The following TRMT11 variants were observed in gnomAD, a reference collection of about 807,000 sequenced individuals.
The protein encoded by TRMT11 is tRNA methyltransferase 11.
In TRMT11, 53 loss-of-function variants were observed where a neutral mutation model predicts 62.8. The observed-to-expected ratio is 0.84, with a 90% CI of 0.68 to 1.06. The LOEUF (loss-of-function observed/expected upper bound fraction) is 1.06. Ranked by LOEUF, TRMT11 falls within the 50% of genes least tolerant of loss-of-function variation. TRMT11 has a pLI of 0.00. For synonymous variants in TRMT11, 188 were observed against 190.3 expected, an observed-to-expected ratio of 0.99 and a Z score of 0.10; for missense variants, 556 against 553.4, an observed-to-expected ratio of 1.00 and a Z score of -0.05.
chr6:126,224,425 C>T, the TRMT11 span, among the ~76,000 whole-genome samples: 1 of 152,222 alleles, frequency 6.6e-6, no homozygotes, highest in Non-Finnish European at 1.5e-5. Flanking sequence ...AGGCTCACCT[C>T]AGTACTACTG....
chr6:126,139,631 A>T (rs1777891757), intron 21 of TRMT11, among the ~76,000 whole-genome samples: 1 of 152,148 alleles, frequency 6.6e-6, no homozygotes, highest in African/African-American at 2.4e-5. Context: ...ACTCTCCCAA[A>T]GTGCTGGGAT....
At chr6:125,986,709 G>A (rs1583602275) in intron 1 of TRMT11, 87 bp downstream of exon 1, 3 of 1,300,338 alleles carry the variant, frequency 2.3e-6, no homozygotes, top group East Asian at 2.6e-5. Flanking sequence ...CATAGCCCGA[G>A]GAAGCTGGGA....
At chr6:126,270,497 G>A in the TRMT11 span, among the ~76,000 whole-genome samples, 64 of 152,134 alleles carry the variant, frequency 4.2e-4, no homozygotes, top group African/African-American at 1.4e-3. Flanking sequence ...GATGTTGTTC[G>A]AACAATTGGC....
At chr6:126,180,528 G>A (rs948996575) in intron 1 of TRMT11, among the ~76,000 whole-genome samples, 10 of 152,286 alleles carry the variant, frequency 6.6e-5, no homozygotes, top group Admixed American at 2.0e-4. Flanking sequence ...TAGTGTTAGA[G>A]TTATAAACAC....
At chr6:126,022,990 G>A (rs941583787) in intron 12 of TRMT11, among the ~76,000 whole-genome samples, 1 of 152,100 alleles carries the variant, frequency 6.6e-6, no homozygotes, top group African/African-American at 2.4e-5. Flanking sequence ...TTACCTTTAA[G>A]ATTTGCCTTT....
At chr6:126,224,868 G>A in the TRMT11 span, among the ~76,000 whole-genome samples, 37 of 152,330 alleles carry the variant, frequency 2.4e-4, no homozygotes, top group African/African-American at 8.4e-4. Context: ...AGGCAAGTGC[G>A]TGCTGGTCGG....
At chr6:126,203,545 A>G (rs1217145298), downstream of TRMT11, among the ~76,000 whole-genome samples, 3 of 152,228 alleles carry the variant, frequency 2.0e-5, no homozygotes, top group Non-Finnish European at 1.5e-5. Flanking sequence ...TGTGATAAGT[A>G]AAGATGACTT....
At chr6:126,089,471 C>T (rs1460026983) in intron 17 of TRMT11, among the ~76,000 whole-genome samples, 1 of 152,078 alleles carries the variant, frequency 6.6e-6, no homozygotes, top group Admixed American at 6.6e-5. Context: ...AGTATAACAC[C>T]TGTTATACAC....
intron 17 of TRMT11, among the ~76,000 whole-genome samples, chr6:126,055,687 C>T (rs1477909602): frequency 6.6e-6 from 1 of 152,058 alleles, no homozygotes; most frequent in Non-Finnish European, 1.5e-5. Context: ...ACGTTTTTTC[C>T]CTTTAGTATA....
the TRMT11 span, among the ~76,000 whole-genome samples, chr6:126,266,265 A>G: frequency 3.9e-5 from 6 of 152,294 alleles, no homozygotes; most frequent in African/African-American, 1.4e-4. Context: ...ATTCCAAAAT[A>G]TATTTCTACA....
chr6:126,248,005 A>G, the TRMT11 span, among the ~76,000 whole-genome samples: 2 of 152,134 alleles, frequency 1.3e-5, no homozygotes, highest in African/African-American at 4.8e-5. Context: ...ATTGCTTCCA[A>G]TAAATGAGAA....
chr6:126,260,009 T>G, the TRMT11 span, among the ~76,000 whole-genome samples: 23 of 152,332 alleles, frequency 1.5e-4, no homozygotes, highest in Non-Finnish European at 2.6e-4. Context: ...TAGTTTTTTT[T>G]ATTCATGCAG....
intron 3 of TRMT11, among the ~76,000 whole-genome samples, chr6:125,997,662 C>T (rs1791751695): frequency 6.6e-6 from 1 of 152,108 alleles, no homozygotes; most frequent in African/African-American, 2.4e-5. Flanking sequence ...TGTGTGCCAC[C>T]ATGCCTGGCT....
intron 21 of TRMT11, among the ~76,000 whole-genome samples, chr6:126,155,377 T>C (rs2128225136): frequency 6.6e-6 from 1 of 152,318 alleles, no homozygotes; most frequent in South Asian, 2.1e-4. Flanking sequence ...ACATTCAGTA[T>C]TACATTTTAA....
the TRMT11 span, among the ~76,000 whole-genome samples, chr6:126,224,413 T>C: frequency 4.6e-5 from 7 of 152,324 alleles, no homozygotes; most frequent in East Asian, 1.4e-3. Context: ...TTCAGGGGGC[T>C]AAGGCTCACC....
At chr6:126,239,214 G>C in the TRMT11 span, among the ~76,000 whole-genome samples, 2 of 152,126 alleles carry the variant, frequency 1.3e-5, no homozygotes, top group Non-Finnish European at 2.9e-5. Flanking sequence ...TACATTTAAG[G>C]TTAATATTGT....
At chr6:126,068,589 A>G (rs536139617) in intron 17 of TRMT11, among the ~76,000 whole-genome samples, 45 of 152,348 alleles carry the variant, frequency 3.0e-4, no homozygotes, top group Admixed American at 9.2e-4. Context: ...TATTCCATCA[A>G]TACAATAGTA....
At chr6:126,218,520 T>C in the TRMT11 span, among the ~76,000 whole-genome samples, 1 of 152,168 alleles carries the variant, frequency 6.6e-6, no homozygotes, top group Admixed American at 6.5e-5. Context: ...ATATCATCCA[T>C]GAGCTAGGGC....
intron 1 of TRMT11, among the ~76,000 whole-genome samples, chr6:126,185,712 A>G (rs1230011779): frequency 6.6e-6 from 1 of 152,152 alleles, no homozygotes; most frequent in Non-Finnish European, 1.5e-5. Context: ...ATGAAGAAAT[A>G]CCTGAGACTG....
Sources: gnomAD v4.1 joint callset for allele counts (sites outside exome capture counted in the v4.1 genomes callset) on GRCh38, gnomAD v4.1.1 for gene constraint, MANE v1.5 for transcripts, NCBI Gene and HGNC (gene_info 2026-07-23, HGNC 2026-07-21) for gene names.